Variants in ADCY3 observed in about 807,000 individuals in gnomAD.
ADCY3 encodes the protein adenylate cyclase 3, also known as adenylate cyclase type 3.
A neutral mutation model predicts 119.4 loss-of-function variants in ADCY3; 70 were observed. The ratio of observed to expected loss-of-function variants is 0.59; its 90% CI spans 0.48 to 0.72. The LOEUF (loss-of-function observed/expected upper bound fraction) is 0.72. Ranked by LOEUF, ADCY3 falls within the 30% of genes least tolerant of loss-of-function variation. ADCY3 has a pLI of 0.00. For synonymous variants in ADCY3, 672 were observed against 621.4 expected, an observed-to-expected ratio of 1.08 and a Z score of -1.21; for missense variants, 1,238 against 1,541.6, an observed-to-expected ratio of 0.80 and a Z score of 3.30.
intron 15 of ADCY3, chr2:24,826,652 G>GA (rs1668661031): frequency 6.4e-6 from 1 of 155,074 alleles, no homozygotes; most frequent in Non-Finnish European, 1.4e-5. Flanking sequence ...TGTTTTGGGG[G>GA]AGGGGGTATG....
chr2:24,831,342 C>CG (rs1669476173), intron 12 of ADCY3, among the ~76,000 whole-genome samples: 1 of 152,222 alleles, frequency 6.6e-6, no homozygotes, highest in African/African-American at 2.4e-5. Context: ...ACCTTCCAGC[C>CG]GGCCCTCCAC....
rs540964272 is a variant in ADCY3 at position 24,824,489 on chromosome 2, G to A, written c.2625C>T (p.His875=). 4.3e-6 allele frequency: 7 copies of A among 1,614,212 alleles called. No homozygotes were observed. Among genetic ancestry groups the A allele is most frequent in the East Asian group, 2.2e-5 (1 of 44,892 alleles). ...TCTCATAGACACGTTCCTTCTGGTC[G>A]TGGACCTCAATCTTCCACAAGAAAA... The part of the protein sequence containing the change: ...RTLFLWKIEV[H]DQKERVYEMR... Residue 875 remains histidine, a synonymous_variant, in exon 17 of 22, where the codon CAC becomes CAT. Coordinates refer to ENST00000679454, the MANE Select transcript of ADCY3 (RefSeq NM_004036.5).
At chr2:24,873,209 G>C (rs1675246357) in intron 2 of ADCY3, among the ~76,000 whole-genome samples, 2 of 152,346 alleles carry the variant, frequency 1.3e-5, no homozygotes, top group African/African-American at 2.4e-5. Context: ...TAAAAGCTCA[G>C]ATGGCTTGGG....
In ADCY3 at chr2:24,834,939, G is replaced by A. The variant is rs1329141912; in HGVS notation, c.1663-3C>T. On this transcript the variant is annotated splice_region_variant and splice_polypyrimidine_tract_variant and intron_variant, in intron 9 of 21. Coordinates refer to ENST00000679454, the MANE Select transcript of ADCY3 (RefSeq NM_004036.5). This position sits in a 1 kb window ranked among gnomAD's most constrained non-coding sequence, Gnocchi z 4.2. ...TTGGGGAATGAGGGGTTGTCGGCCT[G>A]TGAGCCAGGGAGGCAGCGTGAGTGG... 5.0e-6 allele frequency: 8 copies of A among 1,612,830 alleles called. No individual in the cohort carries two copies. The highest frequency in any genetic ancestry group is 6.8e-6 in the Non-Finnish European group (8 of 1,179,710).
At chr2:24,906,615 G>A (rs1207521925) in intron 2 of ADCY3, among the ~76,000 whole-genome samples, 2 of 152,246 alleles carry the variant, frequency 1.3e-5, no homozygotes, top group African/African-American at 4.8e-5. Context: ...GCCCCACGTG[G>A]GAGGATGAAC....
chr2:24,838,242 AACCTGCCATGAATTACACTC>A (rs1328239599), intron 8 of ADCY3, among the ~76,000 whole-genome samples, 183 bp downstream of exon 8: 2 of 151,576 alleles, frequency 1.3e-5, no homozygotes, highest in Admixed American at 1.3e-4. Flanking sequence ...CCTCCATTGC[AACCTGCCATGAATTACACTC>A]ACCATCTCCC....
rs140278293 is a variant in ADCY3, at chr2:24,918,453, A to G, written c.535T>C (p.Phe179Leu). Residue 179 changes from phenylalanine (F) to leucine (L), a missense_variant, in exon 2 of 22, where the codon TTC (phenylalanine) becomes CTC (leucine). Around this residue, in one of 7 missense-constraint regions of ADCY3, gnomAD observed 227 missense variants for 249.3 expected, o/e 0.91. Transcript: ENST00000679454. This position sits in a 1 kb window ranked among gnomAD's most constrained non-coding sequence, Gnocchi z 5.4. ...VGWQVFFVFS[F>L]FITLPLSLSP... ...AGGCTGAGGGGCAGCGTGATGAAGA[A>G]GGAGAAGACAAAGAAGACCTGCCAG... 2.0e-5 allele frequency: 33 copies of G among 1,613,924 alleles called. No homozygotes were observed. Among genetic ancestry groups the G allele is most frequent in the Admixed American group, 3.3e-5 (2 of 60,004 alleles).
rs1048546648 is a variant in ADCY3 at position 24,872,070 on chromosome 2, G to A, written c.825+500C>T. ...AGGCTGACACACTTCACCCAGCAGG[G>A]CCCTGAGGCCGCAGGATGGGTCAAG... On this transcript the variant is annotated intron_variant, in intron 3 of 21. Transcript: ENST00000679454. This position sits in a 1 kb window ranked among gnomAD's most constrained non-coding sequence, Gnocchi z 4.4. Among the ~76,000 whole-genome samples, 1 of 152,206 alleles carries A rather than the reference G, an allele frequency of 6.6e-6. No homozygotes were observed. The highest frequency in any genetic ancestry group is 1.5e-5 in the Non-Finnish European group (1 of 68,026).
intron 3 of ADCY3, among the ~76,000 whole-genome samples, chr2:24,865,280 A>G (rs1002157460): frequency 6.6e-6 from 1 of 152,034 alleles, no homozygotes; most frequent in Non-Finnish European, 1.5e-5. Context: ...CCCCATCTCT[A>G]CTAAAAATAC....
chr2:24,829,321 A>C (rs902999591), intron 13 of ADCY3, among the ~76,000 whole-genome samples: 2 of 147,156 alleles, frequency 1.4e-5, no homozygotes, highest in Admixed American at 6.8e-5. Flanking sequence ...CCGGCCCCCC[A>C]CTGGACTTCT....
At chr2:24,900,775 A>T (rs1209549656) in intron 2 of ADCY3, among the ~76,000 whole-genome samples, 1 of 152,198 alleles carries the variant, frequency 6.6e-6, no homozygotes, top group African/African-American at 2.4e-5. Flanking sequence ...TCCTGTGGAC[A>T]AATTAGAACC....
chr2:24,824,954 G>A (rs1243198254), intron 16 of ADCY3, among the ~76,000 whole-genome samples: 2 of 152,174 alleles, frequency 1.3e-5, no homozygotes, highest in African/African-American at 4.8e-5. Context: ...GAAGGAAGAT[G>A]GCTAAATGGC....
At chr2:24,853,321 G>A (rs112332015) in intron 3 of ADCY3, among the ~76,000 whole-genome samples, 8 of 152,304 alleles carry the variant, frequency 5.3e-5, no homozygotes, top group Non-Finnish European at 7.4e-5. Context: ...AGGAGCTGCC[G>A]CAGGGGAAGG....
In ADCY3 at chr2:24,834,583, G is replaced by GCGGGTTTCCATCT; in HGVS notation, c.1856_1868dup (p.Tyr624AspfsTer70). The GCGGGTTTCCATCT allele has an allele frequency of 6.2e-7, 1 of 1,614,146 alleles. No homozygotes were observed. The highest frequency in any genetic ancestry group is 8.5e-7 in the Non-Finnish European group (1 of 1,180,034). Reference sequence around the variant, plus strand: ...TCTGCTTCTCCTTCTCCACCGAGTAGCGGGTTTCCATCTCGGGGTCCATGA... The same window carrying GCGGGTTTCCATCT: ...TCTGCTTCTCCTTCTCCACCGAGTAGCGGGTTTCCATCTCGGGTTTCCATCTCGGGGTCCATGA... On this transcript the variant is annotated frameshift_variant, in exon 11 of 22. Transcript: ENST00000679454. LOFTEE classifies it high-confidence loss of function. The surrounding 1 kb of genome is among the most constrained non-coding windows in gnomAD (Gnocchi z 4.2).
At chr2:24,837,946 G>A (rs1304531814) in intron 8 of ADCY3, among the ~76,000 whole-genome samples, 7 of 151,966 alleles carry the variant, frequency 4.6e-5, no homozygotes, top group Non-Finnish European at 1.0e-4. Context: ...TGTGGCCCAG[G>A]GAAGCCGAAA....
At chr2:24,833,736 C>G (rs955092486) in intron 11 of ADCY3, among the ~76,000 whole-genome samples, 1 of 152,210 alleles carries the variant, frequency 6.6e-6, no homozygotes, top group Non-Finnish European at 1.5e-5. Flanking sequence ...TGAATTTGAG[C>G]CTCACCACAG....
Position 24,842,250 on chromosome 2 carries a change from G to T in ADCY3, c.956+4C>A, listed in dbSNP as rs772842095. On this transcript the variant is annotated splice_donor_region_variant and intron_variant, in intron 4 of 21. Transcript: ENST00000679454. The surrounding 1 kb of genome is among the most constrained non-coding windows in gnomAD (Gnocchi z 4.9). ...ATCAGAGCCCGCGCCCCGGGCCGGC[G>T]TACCTGACGTTCTCGTGACGGTACA... 1.2e-6 allele frequency: 2 copies of T among 1,613,992 alleles called. No individual in the cohort carries two copies. The highest frequency in any genetic ancestry group is 8.5e-7 in the Non-Finnish European group (1 of 1,179,968).
At chr2:24,853,059 TGTGTGTGTA>T (rs1672570986) in intron 3 of ADCY3, among the ~76,000 whole-genome samples, 3 of 104,894 alleles carry the variant, frequency 2.9e-5, no homozygotes, top group African/African-American at 3.7e-5. Context: ...TGTGTGTGTG[TGTGTGTGTA>T]GGGGTGTTAT....
intron 2 of ADCY3, among the ~76,000 whole-genome samples, chr2:24,882,921 T>C (rs959549848): frequency 1.7e-4 from 25 of 150,888 alleles, no homozygotes; most frequent in African/African-American, 6.1e-4. Context: ...GCTGGGTATA[T>C]GGTGGCACAT....
Sources: gnomAD v4.1 joint callset for allele counts (sites outside exome capture counted in the v4.1 genomes callset) on GRCh38, gnomAD v4.1.1 for gene constraint, gnomAD v4.1.1 regional missense constraint, Gnocchi (gnomAD v3.1) non-coding constraint, MANE v1.5 for transcripts, NCBI Gene and HGNC (gene_info 2026-07-23, HGNC 2026-07-21) for gene names.